LRRK2: variants seen among roughly 807,000 people sequenced by gnomAD.
LRRK2 encodes leucine-rich repeat serine/threonine-protein kinase 2.
Under a neutral mutation model 302.6 loss-of-function variants are expected in LRRK2, and 203 were observed. The ratio of observed to expected loss-of-function variants is 0.67; its 90% confidence interval spans 0.60 to 0.75. The LOEUF is 0.75. Among genes scored for constraint, LRRK2 ranks in the 30% least tolerant of loss-of-function variants. The probability of loss-of-function intolerance (pLI) is 0.00; values close to 1 mark genes in which losing one functional copy is unlikely to be tolerated. For synonymous variants in LRRK2, 1,066 were observed against 1,031.9 expected, an observed-to-expected ratio of 1.03 and a Z score of -0.63; for missense variants, 2,830 against 2,951.0, an observed-to-expected ratio of 0.96 and a Z score of 0.95.
chr12:40,274,502 A>G, intron 14 of LRRK2, 81 bp from the exon 15 acceptor site: 2 of 1,405,640 alleles, frequency 1.4e-6, no homozygotes, highest in Admixed American at 1.7e-5. Context: ...CTTGATTTAT[A>G]TTTTGTCAGT....
chr12:40,252,551 C>T (rs964117574), intron 10 of LRRK2, among the ~76,000 whole-genome samples: 4 of 151,984 alleles, frequency 2.6e-5, no homozygotes, highest in South Asian at 2.1e-4. Context: ...AATATATTTA[C>T]GTTATACATC....
chr12:40,356,089 A>G (rs367613965), intron 45 of LRRK2, 26 bp from the exon 46 acceptor site: 19 of 1,553,674 alleles, frequency 1.2e-5, no homozygotes, highest in Non-Finnish European at 1.6e-5. Context: ...TTCTTTTTGT[A>G]ACAATTTCAA....
chr12:40,345,513 C>T (rs1301411985), intron 41 of LRRK2, among the ~76,000 whole-genome samples: 2 of 149,808 alleles, frequency 1.3e-5, no homozygotes, highest in East Asian at 3.9e-4. Flanking sequence ...ATCCCAGCTA[C>T]TCGGGAGGCT....
chr12:40,272,337 A>G (rs961394115), intron 14 of LRRK2, among the ~76,000 whole-genome samples: 10 of 152,216 alleles, frequency 6.6e-5, no homozygotes, highest in African/African-American at 2.4e-4. Context: ...GTATCAAGCC[A>G]AAAGAAATTT....
intron 1 of LRRK2, 102 bp downstream of exon 1, chr12:40,225,384 G>A (rs1003001027): frequency 2.0e-5 from 28 of 1,416,002 alleles, no homozygotes; most frequent in Non-Finnish European, 2.6e-5. Flanking sequence ...GCTCAAACCC[G>A]GACTCTTAAG....
rs1005612483 is a variant in LRRK2 at position 40,351,854 on chromosome 12, A to G, written c.6576+121A>G. On this transcript the variant is annotated intron_variant, in intron 44 of 50. Transcript: ENST00000298910. Reference sequence around the variant, plus strand: ...TATTATTCAATTAGCCTTCTGTTAGAACAAGAGTATTCAAGAGCAAATGTG... The same window carrying G: ...TATTATTCAATTAGCCTTCTGTTAGGACAAGAGTATTCAAGAGCAAATGTG... 6.7e-6 allele frequency: 7 copies of G among 1,042,074 alleles called. No homozygotes were observed. In the African/African-American group the frequency reaches 9.6e-5, roughly 14 times the overall value. The allele number at this position is 1,042,074 out of a possible 1,614,324, so 64.6% of individuals were successfully genotyped here.
At chr12:40,302,247 TCA>T (rs1364065241) in intron 25 of LRRK2, among the ~76,000 whole-genome samples, 2 of 151,868 alleles carry the variant, frequency 1.3e-5, no homozygotes, top group African/African-American at 4.8e-5. Flanking sequence ...TATTGAGAAC[TCA>T]GATATTTTAC....
intron 35 of LRRK2, 100 bp downstream of exon 35, chr12:40,321,288 G>A: frequency 8.6e-7 from 1 of 1,160,820 alleles, no homozygotes; most frequent in Non-Finnish European, 1.2e-6. Flanking sequence ...AAAGTAATAT[G>A]CCATTTTCTC....
In LRRK2 at chr12:40,237,949, T is replaced by C; in HGVS notation, c.437-20T>C. The C allele has an allele frequency of 6.2e-7, 1 of 1,604,988 alleles. No homozygotes were observed. Among genetic ancestry groups the C allele is most frequent in the African/African-American group, 1.3e-5 (1 of 74,928 alleles). On this transcript the variant is annotated intron_variant, in intron 4 of 50. Coordinates refer to ENST00000298910, the MANE Select transcript of LRRK2 (RefSeq NM_198578.4). Reference sequence around the variant, plus strand: ...TTAAAGCAGCTCTTTACTCAGAGCATATTATTCTCTTTAAAATAGGTAAAA... The same window carrying C: ...TTAAAGCAGCTCTTTACTCAGAGCACATTATTCTCTTTAAAATAGGTAAAA...
At chr12:40,318,043 T>TA (rs985161945) in intron 33 of LRRK2, among the ~76,000 whole-genome samples, 1 of 152,066 alleles carries the variant, frequency 6.6e-6, no homozygotes, top group African/African-American at 2.4e-5. Context: ...ATCATATGGC[T>TA]AAGTTGGGCT....
At position 40,305,819 on chromosome 12, in the gene LRRK2, C is replaced by A; in HGVS notation, c.3812C>A (p.Thr1271Lys). 10 of 1,613,638 alleles carry A rather than the reference C, an allele frequency of 6.2e-6. No homozygotes were observed. The highest frequency in any genetic ancestry group is 8.5e-6 in the Non-Finnish European group (10 of 1,179,796). Residue 1271 changes from threonine (T) to lysine (K), a missense_variant, in exon 28 of 51, where the codon ACA (threonine) becomes AAA (lysine). Thr to Lys is a moderately conservative substitution (Grantham distance 78). Coordinates refer to ENST00000298910, the MANE Select transcript of LRRK2 (RefSeq NM_198578.4). ...GAGATTGGCTGTCTTGAAAATCTGA[C>A]ATCTCTGGATGTCAGTTACAACTTG... ...PPEIGCLENL[T>K]SLDVSYNLEL...
chr12:40,317,923 C>T (rs1274768107), intron 33 of LRRK2, among the ~76,000 whole-genome samples: 1 of 152,076 alleles, frequency 6.6e-6, no homozygotes, highest in Non-Finnish European at 1.5e-5. Context: ...TTCTGCTCCA[C>T]ATGGTATTGG....
Position 40,322,092 on chromosome 12 carries a change from C to T in LRRK2, c.5228C>T (p.Ser1743Phe). 6.2e-7 allele frequency: 1 copy of T among 1,613,442 alleles called. No individual in the cohort carries two copies. The highest frequency in any genetic ancestry group is 1.1e-5 in the South Asian group (1 of 91,060). Residue 1743 changes from serine to phenylalanine, a missense_variant, in exon 36 of 51, where the codon TCT (serine) becomes TTT (phenylalanine). Ser to Phe is a radical substitution (Grantham distance 155, BLOSUM62 -2). Coordinates refer to ENST00000298910, the MANE Select transcript of LRRK2 (RefSeq NM_198578.4). ...CGACAAGGCATTTACTTAAATTGGTCTCCTGAAGCTTATTGTCTGGTAGGA... is the reference window on the plus strand; with the variant it reads ...CGACAAGGCATTTACTTAAATTGGTTTCCTGAAGCTTATTGTCTGGTAGGA... The part of the protein sequence containing the change: ...YWRQGIYLNW[S>F]PEAYCLVGSE...
In LRRK2 at chr12:40,356,114, G is replaced by T; in HGVS notation, c.6771-1G>T. On this transcript the variant is annotated splice_acceptor_variant, in intron 45 of 50. Transcript: ENST00000298910. LOFTEE classifies it high-confidence loss of function. Reference sequence around the variant, plus strand: ...AACAATTTCAACATTTTTCCTTTTAGCAAACAAAAAAATTTTCTTTTGGTT... The same window carrying T: ...AACAATTTCAACATTTTTCCTTTTATCAAACAAAAAAATTTTCTTTTGGTT... 6.2e-7 allele frequency: 1 copy of T among 1,607,806 alleles called. No individual in the cohort carries two copies. Among genetic ancestry groups the T allele is most frequent in the Non-Finnish European group, 8.5e-7 (1 of 1,176,208 alleles).
chr12:40,226,560 G>C lies in LRRK2; in HGVS notation c.237+920G>C, dbSNP rs908885507. 3.9e-5 allele frequency among the ~76,000 whole-genome samples: 6 copies of C among 152,128 alleles called. 1 individual carries two copies. The highest frequency in any genetic ancestry group is 4.1e-4 in the South Asian group (2 of 4,830). ...TATCTTTATCTTGATGTTTATCTCT[G>C]TATCTAGCTGTATCTAGTCTGGGTG... is the stretch of plus-strand genomic sequence containing the variant. On this transcript the variant is annotated intron_variant, in intron 2 of 50. Transcript: ENST00000298910.
intron 11 of LRRK2, among the ~76,000 whole-genome samples, chr12:40,254,617 C>T (rs1295549663): frequency 6.6e-6 from 1 of 152,162 alleles, no homozygotes; most frequent in African/African-American, 2.4e-5. Flanking sequence ...GTACAGACAA[C>T]ATTGTGTTGG....
chr12:40,340,073 A>G (rs1461551400), intron 40 of LRRK2, among the ~76,000 whole-genome samples: 1 of 152,178 alleles, frequency 6.6e-6, no homozygotes, highest in Non-Finnish European at 1.5e-5. Flanking sequence ...GAAATCATTC[A>G]CTTATCAGAT....
At chr12:40,342,206 C>A (rs1175320184) in intron 41 of LRRK2, among the ~76,000 whole-genome samples, 1 of 152,190 alleles carries the variant, frequency 6.6e-6, no homozygotes, top group Non-Finnish European at 1.5e-5. Flanking sequence ...ACTCTGTGGT[C>A]TAGGCCAGCT....
At chr12:40,251,437 C>A (rs1321149821) in intron 9 of LRRK2, 28 bp from the exon 10 acceptor site, 2 of 1,611,250 alleles carry the variant, frequency 1.2e-6, no homozygotes, top group Admixed American at 1.7e-5. Flanking sequence ...TATATTTTGA[C>A]AGATTTCTTT....
Sources: gnomAD v4.1 joint callset for allele counts (sites outside exome capture counted in the v4.1 genomes callset) on GRCh38, gnomAD v4.1.1 for gene constraint, MANE v1.5 for transcripts, NCBI Gene and HGNC (gene_info 2026-07-23, HGNC 2026-07-21) for gene names.